The following ETV6 variants were observed in gnomAD, a reference collection of about 807,000 sequenced individuals.
ETV6 encodes transcription factor ETV6.
ETV6 carries 16 observed loss-of-function variants against 51.1 expected under a neutral mutation model. That is an observed-to-expected ratio of 0.31 (90% confidence interval 0.21 to 0.48). The LOEUF (loss-of-function observed/expected upper bound fraction) is 0.48, where lower values mean the gene tolerates loss of function less well. ETV6 is among the 20% of genes least tolerant of loss of function. ETV6 has a pLI of 0.99. For missense variants in ETV6, 458 were observed against 594.8 expected (o/e 0.77, Z 2.39); for synonymous variants, 240 against 224.1 (o/e 1.07, Z -0.64).
chr12:11,764,604 A>G (rs1945137052), intron 2 of ETV6, among the ~76,000 whole-genome samples: 1 of 152,202 alleles, frequency 6.6e-6, no homozygotes, highest in Admixed American at 6.5e-5. Flanking sequence ...CGTAATGCCA[A>G]GATCTTGCAG....
At chr12:11,711,183 G>T (rs917499686) in intron 1 of ETV6, among the ~76,000 whole-genome samples, 2 of 152,156 alleles carry the variant, frequency 1.3e-5, no homozygotes, top group East Asian at 3.9e-4. Flanking sequence ...ATTGAGTCTG[G>T]CATTAAGTTT....
At chr12:11,882,358 C>T (rs1370354643) in intron 5 of ETV6, among the ~76,000 whole-genome samples, 2 of 152,138 alleles carry the variant, frequency 1.3e-5, no homozygotes, top group Non-Finnish European at 2.9e-5. Context: ...CACCCATTAA[C>T]GAGTTTCTCT....
intron 1 of ETV6, among the ~76,000 whole-genome samples, chr12:11,674,992 G>A (rs2541120): frequency 1.3e-5 from 2 of 152,176 alleles, no homozygotes; most frequent in Non-Finnish European, 2.9e-5. Flanking sequence ...TGCATCATGG[G>A]CTGTGAAGGT....
intron 1 of ETV6, among the ~76,000 whole-genome samples, chr12:11,661,237 C>T (rs538088285): frequency 2.0e-5 from 3 of 152,278 alleles, no homozygotes; most frequent in Non-Finnish European, 4.4e-5. Flanking sequence ...AAGTGATCCT[C>T]CCACCTCGGC....
intron 1 of ETV6, among the ~76,000 whole-genome samples, chr12:11,667,644 C>T (rs972309763): frequency 1.2e-4 from 18 of 151,308 alleles, no homozygotes; most frequent in Admixed American, 1.1e-3. Flanking sequence ...ATCCTCCCAC[C>T]TCAGCTTCCC....
intron 1 of ETV6, among the ~76,000 whole-genome samples, chr12:11,667,238 C>CT (rs1367429632): frequency 6.6e-6 from 1 of 152,100 alleles, no homozygotes; most frequent in Non-Finnish European, 1.5e-5. Context: ...ATCATCAGGT[C>CT]TTTATTAAGC....
Position 11,670,022 on chromosome 12 carries a change from G to GTTAGT in ETV6, c.33+19862_33+19863insTTAGT, listed in dbSNP as rs1300094274. On this transcript the variant is annotated intron_variant, in intron 1 of 7. Coordinates refer to ENST00000396373, the MANE Select transcript of ETV6 (RefSeq NM_001987.5). ...CCCCAATCACATTCCTTCCCAAAAT[G>GTTAGT]ACTGTGTTAGTACTTAATTGTTCAC... Among the ~76,000 whole-genome samples the GTTAGT allele has an allele frequency of 4.6e-3, 703 of 152,206 alleles. 7 individuals are homozygous for GTTAGT. Among genetic ancestry groups the GTTAGT allele is most frequent in the African/African-American group, 0.016 (673 of 41,494 alleles).
At chr12:11,746,674 A>G (rs1181208359) in intron 1 of ETV6, among the ~76,000 whole-genome samples, 1 of 152,256 alleles carries the variant, frequency 6.6e-6, no homozygotes, top group East Asian at 1.9e-4. Flanking sequence ...GCCTAGCCTC[A>G]TAGTTGACCC....
At chr12:11,791,817 T>C (rs770455092) in intron 2 of ETV6, among the ~76,000 whole-genome samples, 9 of 152,210 alleles carry the variant, frequency 5.9e-5, no homozygotes, top group Non-Finnish European at 8.8e-5. Context: ...TTTTATCTAA[T>C]GTTTCTCAAA....
intron 2 of ETV6, among the ~76,000 whole-genome samples, chr12:11,808,677 G>T (rs1418146139): frequency 6.6e-6 from 1 of 152,162 alleles, no homozygotes; most frequent in African/African-American, 2.4e-5. Flanking sequence ...CCAATCCCTT[G>T]TGTATGCAGA....
chr12:11,873,516 TTTTCA>T, intron 5 of ETV6, among the ~76,000 whole-genome samples: 1 of 44,368 alleles, frequency 2.3e-5, no homozygotes, highest in Admixed American at 3.0e-4. Flanking sequence ...TCCTTAAAGC[TTTTCA>T]AATGAGCACA....
chr12:11,844,577 A>G (rs1591714516), intron 3 of ETV6, among the ~76,000 whole-genome samples: 1 of 152,100 alleles, frequency 6.6e-6, no homozygotes, highest in Non-Finnish European at 1.5e-5. Flanking sequence ...CTATTAAGCA[A>G]TGGTAGGTTT....
chr12:11,824,072 A>G (rs1946119969), intron 2 of ETV6, among the ~76,000 whole-genome samples: 1 of 152,206 alleles, frequency 6.6e-6, no homozygotes, highest in African/African-American at 2.4e-5. Flanking sequence ...GCTCTTCTTT[A>G]TGAGACACCA....
chr12:11,727,719 C>G (rs893796890), intron 1 of ETV6, among the ~76,000 whole-genome samples: 2 of 152,232 alleles, frequency 1.3e-5, no homozygotes, highest in African/African-American at 4.8e-5. Context: ...GGGAAGAGGC[C>G]TAAGGGCCTG....
At chr12:11,731,852 T>C (rs1321295803) in intron 1 of ETV6, among the ~76,000 whole-genome samples, 2 of 152,206 alleles carry the variant, frequency 1.3e-5, no homozygotes, top group Non-Finnish European at 2.9e-5. Context: ...ATTTTGTCTG[T>C]CTGTATGTAT....
intron 1 of ETV6, among the ~76,000 whole-genome samples, chr12:11,717,729 C>T (rs1865303367): frequency 6.6e-6 from 1 of 152,202 alleles, no homozygotes; most frequent in Non-Finnish European, 1.5e-5. Flanking sequence ...ACAAAATACA[C>T]CGTGGGACAT....
At chr12:11,827,985 C>T (rs1342674789) in intron 2 of ETV6, among the ~76,000 whole-genome samples, 1 of 152,198 alleles carries the variant, frequency 6.6e-6, no homozygotes. Flanking sequence ...AACATTCTTG[C>T]ACCAACTTTC....
chr12:11,709,979 CCTGA>C (rs1316184517), intron 1 of ETV6, among the ~76,000 whole-genome samples: 2 of 152,124 alleles, frequency 1.3e-5, no homozygotes, highest in Non-Finnish European at 2.9e-5. Context: ...TCTGGAGAAC[CCTGA>C]CTAATACAGC....
intron 1 of ETV6, among the ~76,000 whole-genome samples, chr12:11,708,397 A>C (rs959460434): frequency 6.6e-6 from 1 of 152,184 alleles, no homozygotes; most frequent in Non-Finnish European, 1.5e-5. Flanking sequence ...GAAAGACTGG[A>C]AATTTGGGGA....
Sources: allele counts gnomAD v4.1 joint callset (sites outside exome capture counted in the v4.1 genomes callset), GRCh38; gene constraint gnomAD v4.1.1; transcripts MANE v1.5; gene names NCBI Gene and HGNC (gene_info 2026-07-23, HGNC 2026-07-21).